Variants in IL1RAP observed in about 807,000 individuals in gnomAD.
The protein encoded by IL1RAP is interleukin 1 receptor accessory protein.
Under a neutral mutation model 60.7 loss-of-function variants are expected in IL1RAP, and 35 were observed. That is an observed-to-expected ratio of 0.58 (90% CI 0.44 to 0.76). The LOEUF is 0.76. Among genes scored for constraint, IL1RAP ranks in the 30% least tolerant of loss-of-function variants. The pLI is 0.00. For synonymous variants in IL1RAP, 268 were observed against 250.9 expected, an observed-to-expected ratio of 1.07 and a Z score of -0.64; for missense variants, 572 against 693.9, an observed-to-expected ratio of 0.82 and a Z score of 1.97.
intron 4 of IL1RAP, among the ~76,000 whole-genome samples, chr3:190,607,261 A>C (rs1730412469): frequency 6.6e-6 from 1 of 152,202 alleles, no homozygotes; most frequent in African/African-American, 2.4e-5. Context: ...AAATGGCTAC[A>C]CATAGACTCC....
downstream of IL1RAP, chr3:190,656,383 G>A (rs1321105645): frequency 2.6e-6 from 4 of 1,537,230 alleles, no homozygotes; most frequent in Admixed American, 2.0e-5. Context: ...CCGCTGTTGT[G>A]TCACCTACTG....
At chr3:190,580,693 C>T (rs891006059) in intron 3 of IL1RAP, among the ~76,000 whole-genome samples, 8 of 152,114 alleles carry the variant, frequency 5.3e-5, no homozygotes, top group South Asian at 4.1e-4. Context: ...GTTTCAGTTA[C>T]GCAAGGTAAG....
chr3:190,629,676 C>A, intron 9 of IL1RAP, 178 bp downstream of exon 9: 1 of 1,323,022 alleles, frequency 7.6e-7, no homozygotes, highest in Non-Finnish European at 9.7e-7. Context: ...GTAAGATACT[C>A]AAAATATTGT....
chr3:190,605,170 G>A (rs1365833090), intron 4 of IL1RAP, among the ~76,000 whole-genome samples: 2 of 152,096 alleles, frequency 1.3e-5, no homozygotes, highest in African/African-American at 4.8e-5. Context: ...AGAAGCAAGA[G>A]AATACCATAT....
At chr3:190,656,412 T>G, downstream of IL1RAP, 2 of 1,537,050 alleles carry the variant, frequency 1.3e-6, no homozygotes, top group Non-Finnish European at 1.7e-6. Flanking sequence ...AGAATCACCT[T>G]AGGAACAAGA....
chr3:190,631,361 C>T (rs1732773706), intron 9 of IL1RAP, among the ~76,000 whole-genome samples: 1 of 152,140 alleles, frequency 6.6e-6, no homozygotes, highest in Non-Finnish European at 1.5e-5. Context: ...AGTAGCTCCC[C>T]TTTTACAGAA....
At chr3:190,521,955 C>T (rs1468164957) in intron 1 of IL1RAP, among the ~76,000 whole-genome samples, 2 of 151,962 alleles carry the variant, frequency 1.3e-5, no homozygotes, top group African/African-American at 4.8e-5. Flanking sequence ...GCGTTGAGTA[C>T]ACATTTTCTG....
At chr3:190,626,003 G>A (rs932263737) in intron 7 of IL1RAP, among the ~76,000 whole-genome samples, 1 of 152,184 alleles carries the variant, frequency 6.6e-6, no homozygotes, top group Non-Finnish European at 1.5e-5. Flanking sequence ...ACGCAGTCAG[G>A]TAAGCCTAAG....
At position 190,520,635 on chromosome 3, in the gene IL1RAP, C is replaced by T. The variant is rs370217856; in HGVS notation, c.-89+6416C>T. ...TGAAGTGGGCAGCTGCAATGAGCTTCGATCTCAAGATTTCTAAAAGCATTG... is the reference window on the plus strand; with the variant it reads ...TGAAGTGGGCAGCTGCAATGAGCTTTGATCTCAAGATTTCTAAAAGCATTG... On this transcript the variant is annotated intron_variant, in intron 1 of 11. Transcript: ENST00000447382. 10 of 152,242 alleles carry T rather than the reference C, an allele frequency of 6.6e-5. No individual in the cohort carries two copies. In the Middle Eastern group the frequency reaches 0.01, roughly 155 times the overall value. 9.4% of individuals were successfully genotyped at this position (152,242 alleles called of 1,614,324 possible).
At chr3:190,596,819 G>A (rs1356554884) in intron 3 of IL1RAP, among the ~76,000 whole-genome samples, 2 of 152,138 alleles carry the variant, frequency 1.3e-5, no homozygotes, top group African/African-American at 4.8e-5. Flanking sequence ...TCTGAGGCTG[G>A]TGCCTGCAGT....
chr3:190,585,650 A>G (rs1374871517), intron 3 of IL1RAP, among the ~76,000 whole-genome samples: 1 of 151,940 alleles, frequency 6.6e-6, no homozygotes, highest in Non-Finnish European at 1.5e-5. Flanking sequence ...TGTCTCTACT[A>G]AAATACAAAA....
At chr3:190,547,825 TTATAGC>T (rs1433252033) in intron 1 of IL1RAP, among the ~76,000 whole-genome samples, 1 of 152,198 alleles carries the variant, frequency 6.6e-6, no homozygotes, top group East Asian at 1.9e-4. Context: ...GTGGCCAATG[TTATAGC>T]ACTTGTTAAT....
chr3:190,555,976 C>CTATCT (rs1725395472), intron 1 of IL1RAP, 154 bp from the exon 2 acceptor site: 1 of 150,948 alleles, frequency 6.6e-6, no homozygotes, highest in Non-Finnish European at 1.5e-5. Flanking sequence ...ATCTATCTAT[C>CTATCT]TTCTATAGTT....
At position 190,651,205 on chromosome 3, in the gene IL1RAP, A is replaced by C. The variant is rs1308911597; in HGVS notation, c.*2500A>C. ...ATTAATGGTTTTAAATATATGCTAT[A>C]GGGACGTTCCATGCCCAGGTTAACA... On this transcript the variant is annotated 3_prime_UTR_variant, in exon 12 of 12. Coordinates refer to ENST00000447382, the MANE Select transcript of IL1RAP (RefSeq NM_002182.4). 1.0e-6 allele frequency: 1 copy of C among 981,392 alleles called. No individual in the cohort carries two copies. Among genetic ancestry groups the C allele is most frequent in the African/African-American group, 1.7e-5 (1 of 57,176 alleles). 60.8% of individuals were successfully genotyped at this position (981,392 alleles called of 1,614,324 possible).
downstream of IL1RAP, among the ~76,000 whole-genome samples, chr3:190,651,775 G>GTGTGTA (rs71635331): frequency 0.059 from 8,912 of 151,588 alleles, 293 homozygotes; most frequent in African/African-American, 0.094. Context: ...ATGTGTTTAT[G>GTGTGTA]TGTGTATGTG....
intron 1 of IL1RAP, among the ~76,000 whole-genome samples, chr3:190,534,343 A>G (rs1025749589): frequency 2.6e-5 from 4 of 152,092 alleles, no homozygotes; most frequent in Admixed American, 6.5e-5. Context: ...GGATATTTCA[A>G]ACTAGGAAGT....
At chr3:190,615,878 G>C (rs946375488) in intron 5 of IL1RAP, among the ~76,000 whole-genome samples, 1 of 152,192 alleles carries the variant, frequency 6.6e-6, no homozygotes, top group Admixed American at 6.5e-5. Flanking sequence ...TTCAAGGTCT[G>C]TGTAGTAAGC....
In IL1RAP at chr3:190,649,768, T is replaced by G; in HGVS notation, c.*1063T>G. 6.1e-6 allele frequency: 6 copies of G among 985,550 alleles called. No individual in the cohort carries two copies. Among genetic ancestry groups the G allele is most frequent in the Non-Finnish European group, 7.2e-6 (6 of 829,854 alleles). 61.1% of individuals were successfully genotyped at this position (985,550 alleles called of 1,614,324 possible). ...AGAATTAACTGTATTTCCTGTCACC[T>G]ATTCACTAGTGCAGGAAATATACTT... On this transcript the variant is annotated 3_prime_UTR_variant, in exon 12 of 12. Transcript: ENST00000447382.
intron 3 of IL1RAP, among the ~76,000 whole-genome samples, chr3:190,591,235 C>T (rs1453334054): frequency 1.3e-5 from 2 of 152,198 alleles, no homozygotes; most frequent in Non-Finnish European, 2.9e-5. Flanking sequence ...ACCAGTGTTG[C>T]CTCATTTAAT....
Sources: allele counts gnomAD v4.1 joint callset (sites outside exome capture counted in the v4.1 genomes callset), GRCh38; gene constraint gnomAD v4.1.1; transcripts MANE v1.5; gene names NCBI Gene and HGNC (gene_info 2026-07-23, HGNC 2026-07-21).